GAMT: variants seen among roughly 807,000 people sequenced by gnomAD.
GAMT encodes the protein guanidinoacetate N-methyltransferase.
A neutral mutation model predicts 26.9 loss-of-function variants in GAMT; 26 were observed. The observed-to-expected ratio is 0.97, with a 90% CI of 0.71 to 1.34. The LOEUF (loss-of-function observed/expected upper bound fraction) is 1.34, where lower values mean the gene tolerates loss of function less well. Among genes scored for constraint, GAMT ranks in the 40% most tolerant of loss-of-function variants. The pLI is 0.00. For missense variants in GAMT, 412 were observed against 345.0 expected (o/e 1.19, Z -1.54); for synonymous variants, 169 against 149.6 (o/e 1.13, Z -0.95).
rs1438389931 is a variant in GAMT at position 1,398,489 on chromosome 19, G to A, written c.570+427C>T. 4 of 522,966 alleles carry A rather than the reference G, an allele frequency of 7.6e-6. No homozygotes were observed. In the African/African-American group the frequency reaches 7.7e-5, roughly 10 times the overall value. The allele number at this position is 522,966 out of a possible 1,614,324, so 32.4% of individuals were successfully genotyped here. A position where few individuals can be genotyped will look rare whatever the true frequency, so the allele number is the denominator to read the frequency against. ...CTGGCTCTGTTACCCAGGCTGGAGTGCAGTGGTTCGATCTGGGCTCACTGC... is the reference window on the plus strand; with the variant it reads ...CTGGCTCTGTTACCCAGGCTGGAGTACAGTGGTTCGATCTGGGCTCACTGC... On this transcript the variant is annotated intron_variant, in intron 5 of 5. Transcript: ENST00000252288.
chr19:1,401,103 A>T (rs538512171), intron 1 of GAMT, among the ~76,000 whole-genome samples, 193 bp downstream of exon 1: 27 of 152,238 alleles, frequency 1.8e-4, no homozygotes, highest in African/African-American at 6.0e-4. Context: ...GCGGTGCCTA[A>T]CGTGTGCGGG....
rs2082605402 is a variant in GAMT at position 1,397,311 on chromosome 19, A to G, written c.*48T>C. 6.3e-7 allele frequency: 1 copy of G among 1,576,700 alleles called. No individual in the cohort carries two copies. The highest frequency in any genetic ancestry group is 8.6e-7 in the Non-Finnish European group (1 of 1,163,864). ...GGTGCGACACCCTGGACTCCCGGCC[A>G]GGAAGGCACGGAGGAGGGCATGGGT... On this transcript the variant is annotated 3_prime_UTR_variant, in exon 6 of 6. Transcript: ENST00000252288.
At position 1,399,048 on chromosome 19, in the gene GAMT, T is replaced by C. The variant is rs771397106; in HGVS notation, c.460-22A>G. On this transcript the variant is annotated intron_variant, in intron 4 of 5. Transcript: ENST00000252288. This position sits in a 1 kb window ranked among gnomAD's most constrained non-coding sequence, Gnocchi z 6.2. ...GGTTCTGTGGAAGGGGAGTGGCCAG[T>C]GGTCAGGACGGAGGTGGGGGTGTGG... The C allele has an allele frequency of 2.5e-6, 4 of 1,613,210 alleles. No individual in the cohort carries two copies. Among genetic ancestry groups the C allele is most frequent in the Non-Finnish European group, 3.4e-6 (4 of 1,179,948 alleles).
rs1427770494 is a variant in GAMT at position 1,399,629 on chromosome 19, G to A, written c.328-42C>T. On this transcript the variant is annotated intron_variant, in intron 2 of 5. Transcript: ENST00000252288. The surrounding 1 kb of genome is among the most constrained non-coding windows in gnomAD (Gnocchi z 6.2). ...GAAAAAGAGAGGACAGGGTAGAGAG[G>A]TCCCCAGGATCTCCCCACCTGCAGA... The A allele has an allele frequency of 3.8e-6, 6 of 1,586,906 alleles. No homozygotes were observed. The African/African-American group carries it at 6.7e-5, about 18-fold the overall frequency.
Position 1,397,127 on chromosome 19 carries a change from T to G in GAMT, c.*232A>C, listed in dbSNP as rs2082604242. The stretch of plus-strand genomic sequence containing the variant: ...GCCAAGCCCAGCGCCGGCGTTTACT[T>G]CACCTCAGGGACCCTGCAGTGGGCA... On this transcript the variant is annotated 3_prime_UTR_variant, in exon 6 of 6. Transcript: ENST00000252288. 1.8e-6 allele frequency: 1 copy of G among 563,204 alleles called. No individual in the cohort carries two copies. Among genetic ancestry groups the G allele is most frequent in the Middle Eastern group, 4.8e-4 (1 of 2,104 alleles). The allele number at this position is 563,204 out of a possible 1,614,324, so 34.9% of individuals were successfully genotyped here. A position where few individuals can be genotyped will look rare whatever the true frequency, so the allele number is the denominator to read the frequency against.
Position 1,397,379 on chromosome 19 carries a change from G to C in GAMT, c.691C>G (p.Pro231Ala), listed in dbSNP as rs368853590. The C allele has an allele frequency of 6.2e-6, 10 of 1,612,270 alleles. No individual in the cohort carries two copies. The highest frequency in any genetic ancestry group is 8.5e-6 in the Non-Finnish European group (10 of 1,179,792). The stretch of plus-strand genomic sequence containing the variant: ...GGGGCTCAGCCTTTGGTCACCAGGG[G>C]CGTGATCATCTGTGGGAAGGCGTAG... ...RYYAFPQMIT[P>A]LVTKG The change falls in exon 6 of 6, where the codon CCC (proline) becomes GCC (alanine). Residue 231 changes from proline (P) to alanine (A), a missense_variant. Coordinates refer to ENST00000252288, the MANE Select transcript of GAMT (RefSeq NM_000156.6).
At position 1,399,919 on chromosome 19, in the gene GAMT, C is replaced by A; in HGVS notation, c.201G>T (p.Val67=). ...ASSKGGRVLE[V]GFGMAIAASK... is the part of the protein sequence containing the mutation. The stretch of plus-strand genomic sequence containing the variant: ...ACGCTGCGATGGCCATGCCAAAGCC[C>A]ACCTCCAGGACCCGGCCCCCTGGGC... Residue 67 remains valine, a synonymous_variant, in exon 2 of 6, where the codon GTG becomes GTT. Coordinates refer to ENST00000252288, the MANE Select transcript of GAMT (RefSeq NM_000156.6). This position sits in a 1 kb window ranked among gnomAD's most constrained non-coding sequence, Gnocchi z 6.2. 6.2e-7 allele frequency: 1 copy of A among 1,608,238 alleles called. No homozygotes were observed.
Position 1,398,675 on chromosome 19 carries a change from C to G in GAMT, c.570+241G>C, listed in dbSNP as rs112200521. ...CCCAGGCTGGTCTTGAACTCCTAGGCTCAAGCAATCTGCCCACCTCGGCCT... is the reference window on the plus strand; with the variant it reads ...CCCAGGCTGGTCTTGAACTCCTAGGGTCAAGCAATCTGCCCACCTCGGCCT... On this transcript the variant is annotated intron_variant, in intron 5 of 5. Coordinates refer to ENST00000252288, the MANE Select transcript of GAMT (RefSeq NM_000156.6). The G allele has an allele frequency of 2.2e-3, 3,187 of 1,418,018 alleles. 4 individuals are homozygous for G. The highest frequency in any genetic ancestry group is 2.8e-3 in the Non-Finnish European group (2,944 of 1,041,764). 87.8% of individuals were successfully genotyped at this position (1,418,018 alleles called of 1,614,324 possible).
chr19:1,397,267 C>T lies in GAMT; in HGVS notation c.*92G>A. The T allele has an allele frequency of 6.9e-7, 1 of 1,447,232 alleles. No homozygotes were observed. The highest frequency in any genetic ancestry group is 1.2e-5 in the South Asian group (1 of 81,716). 89.6% of individuals were successfully genotyped at this position (1,447,232 alleles called of 1,614,324 possible). A position where few individuals can be genotyped will look rare whatever the true frequency, so the allele number is the denominator to read the frequency against. On this transcript the variant is annotated 3_prime_UTR_variant, in exon 6 of 6. Transcript: ENST00000252288. ...CGGGAAAGCTTCTGGTGACACACAG[C>T]TGGGATCAGCCCAGGGCTGGTGCGA...
Position 1,398,812 on chromosome 19 carries a change from A to T in GAMT, c.570+104T>A, listed in dbSNP as rs550070759. ...CACAGTCCAGCCCACCCAGGGGGTC[A>T]GGAAGGGACCCTCCCCAGGTAGCAA... On this transcript the variant is annotated intron_variant, in intron 5 of 5. Transcript: ENST00000252288. 3 of 1,563,742 alleles carry T rather than the reference A, an allele frequency of 1.9e-6. No homozygotes were observed. The African/African-American group carries it at 4.1e-5, about 21-fold the overall frequency.
intron 5 of GAMT, chr19:1,397,774 A>G (rs1213973392): frequency 5.2e-6 from 7 of 1,357,178 alleles, no homozygotes; most frequent in African/African-American, 1.5e-5. Context: ...AGACCTTGCC[A>G]GTGTGGCGGG....
At chr19:1,398,061 GGTT>G (rs2082610666) in intron 5 of GAMT, 2 of 999,130 alleles carry the variant, frequency 2.0e-6, no homozygotes, top group East Asian at 2.2e-4. Flanking sequence ...AGCCATGGGA[GGTT>G]GTTGAGCTGG....
intron 5 of GAMT, 107 bp downstream of exon 5, chr19:1,398,809 G>C (rs1380070759): frequency 1.3e-6 from 2 of 1,561,396 alleles, no homozygotes; most frequent in African/African-American, 2.7e-5. Flanking sequence ...CACCCAGGGG[G>C]TCAGGAAGGG....
Position 1,399,166 on chromosome 19 carries a change from C to A in GAMT, c.421G>T (p.Glu141Ter), listed in dbSNP as rs1407291773. The part of the protein sequence containing the change: ...GILYDTYPLS[E>*]ETWHTHQFNF... Reference sequence around the variant, plus strand: ...AACTGGTGTGTGTGCCAGGTCTCCTCCGAGAGTGGGTACGTGTCGTACAGG... The same window carrying A: ...AACTGGTGTGTGTGCCAGGTCTCCTACGAGAGTGGGTACGTGTCGTACAGG... Residue 141 changes from glutamate to a stop codon, truncating the protein, a stop_gained, in exon 4 of 6, where the codon GAG becomes TAG. Transcript: ENST00000252288. LOFTEE classifies it high-confidence loss of function. This position sits in a 1 kb window ranked among gnomAD's most constrained non-coding sequence, Gnocchi z 6.2. 6.2e-7 allele frequency: 1 copy of A among 1,613,776 alleles called. No individual in the cohort carries two copies. Among genetic ancestry groups the A allele is most frequent in the African/African-American group, 1.3e-5 (1 of 75,048 alleles).
At chr19:1,397,717 C>T (rs995921703) in intron 5 of GAMT, 8 of 1,410,278 alleles carry the variant, frequency 5.7e-6, no homozygotes, top group Non-Finnish European at 6.5e-6. Flanking sequence ...CCTGGAACCC[C>T]AGCCCCACAC....
chr19:1,399,056 AC>A lies in GAMT; in HGVS notation c.460-31del. ...GGAAGGGGAGTGGCCAGTGGTCAGG[AC>A]GGAGGTGGGGGTGTGGGCAGAGGGG... On this transcript the variant is annotated intron_variant, in intron 4 of 5. Coordinates refer to ENST00000252288, the MANE Select transcript of GAMT (RefSeq NM_000156.6). The surrounding 1 kb of genome is among the most constrained non-coding windows in gnomAD (Gnocchi z 6.2). 1 of 1,613,264 alleles carries A rather than the reference AC, an allele frequency of 6.2e-7. No individual in the cohort carries two copies. The highest frequency in any genetic ancestry group is 1.3e-5 in the African/African-American group (1 of 75,032).
At position 1,399,775 on chromosome 19, in the gene GAMT, C is replaced by T; in HGVS notation, c.327+18G>A. The T allele has an allele frequency of 6.5e-7, 1 of 1,542,902 alleles. No individual in the cohort carries two copies. The highest frequency in any genetic ancestry group is 8.7e-7 in the Non-Finnish European group (1 of 1,144,236). On this transcript the variant is annotated intron_variant, in intron 2 of 5. Transcript: ENST00000252288. This position sits in a 1 kb window ranked among gnomAD's most constrained non-coding sequence, Gnocchi z 6.2. ...CCAAGGAGTGGGGGTCCTGGAGGGC[C>T]TGCGGGCAGAGGGGCACCTTGTGTG...
At chr19:1,401,013 A>T (rs1267729213) in intron 1 of GAMT, among the ~76,000 whole-genome samples, 1 of 151,986 alleles carries the variant, frequency 6.6e-6, no homozygotes, top group African/African-American at 2.4e-5. Context: ...ACCCAGTTTC[A>T]CCCAGGTCTC....
At position 1,398,989 on chromosome 19, in the gene GAMT, A is replaced by G. The variant is rs1483148182; in HGVS notation, c.497T>C (p.Leu166Pro). 1 of 1,613,438 alleles carries G rather than the reference A, an allele frequency of 6.2e-7. No homozygotes were observed. Among genetic ancestry groups the G allele is most frequent in the Non-Finnish European group, 8.5e-7 (1 of 1,179,994 alleles). ...CCAGGAGGTGAGGTTGCAGTAGGTG[A>G]GGACGCCCCCCGGCTTCAGCAGGCG... ...AFRLLKPGGV[L>P]TYCNLTSWGE... Residue 166 changes from leucine to proline, a missense_variant, in exon 5 of 6, where the codon CTC becomes CCC. Leu to Pro is a moderately conservative substitution (Grantham distance 98). Coordinates refer to ENST00000252288, the MANE Select transcript of GAMT (RefSeq NM_000156.6).
Sources: allele counts gnomAD v4.1 joint callset (sites outside exome capture counted in the v4.1 genomes callset), GRCh38; gene constraint gnomAD v4.1.1; non-coding constraint Gnocchi (gnomAD v3.1); transcripts MANE v1.5; gene names NCBI Gene and HGNC (gene_info 2026-07-23, HGNC 2026-07-21).